RGS7BP: variants seen among roughly 807,000 people sequenced by gnomAD.
RGS7BP encodes the protein regulator of G protein signaling 7 binding protein.
In RGS7BP, 9 loss-of-function variants were observed where a neutral mutation model predicts 31.3. The observed-to-expected ratio is 0.29, with a 90% CI of 0.17 to 0.50. The LOEUF (loss-of-function observed/expected upper bound fraction) is 0.50, where lower values mean the gene tolerates loss of function less well. Ranked by LOEUF, RGS7BP falls within the 20% of genes least tolerant of loss-of-function variation. RGS7BP has a pLI of 0.98. For missense variants in RGS7BP, 274 were observed against 322.0 expected (o/e 0.85, Z 1.14); for synonymous variants, 115 against 120.1 (o/e 0.96, Z 0.28).
chr5:64,594,694 A>C lies in RGS7BP; in HGVS notation c.464-16A>C, dbSNP rs1242803480. On this transcript the variant is annotated splice_polypyrimidine_tract_variant and intron_variant, in intron 3 of 5. Coordinates refer to ENST00000334025, the MANE Select transcript of RGS7BP (RefSeq NM_001029875.3). The stretch of plus-strand genomic sequence containing the variant: ...TCTTTTTCCTCTTCTCTTTACCAAC[A>C]CCCTCCCTCCCTTAGGAAAGGAACC... 6.2e-6 allele frequency: 10 copies of C among 1,612,768 alleles called. No individual in the cohort carries two copies. Among genetic ancestry groups the C allele is most frequent in the Non-Finnish European group, 8.5e-6 (10 of 1,179,386 alleles).
intron 2 of RGS7BP, among the ~76,000 whole-genome samples, chr5:64,530,485 G>A (rs907374520): frequency 6.6e-6 from 1 of 152,118 alleles, no homozygotes; most frequent in African/African-American, 2.4e-5. Flanking sequence ...TGTAATAGAC[G>A]AGGAAATGAA....
chr5:64,540,966 G>A (rs1250619947), intron 2 of RGS7BP, among the ~76,000 whole-genome samples: 1 of 152,198 alleles, frequency 6.6e-6, no homozygotes, highest in Non-Finnish European at 1.5e-5. Context: ...AGTGATTCTG[G>A]AGAGCTCGGT....
intron 4 of RGS7BP, among the ~76,000 whole-genome samples, chr5:64,596,494 A>G (rs904432556): frequency 6.6e-6 from 1 of 152,154 alleles, no homozygotes; most frequent in Non-Finnish European, 1.5e-5. Context: ...TTGGTGCTTT[A>G]TTAGAGGAGA....
intron 2 of RGS7BP, among the ~76,000 whole-genome samples, chr5:64,561,692 A>G (rs1480857597): frequency 2.0e-5 from 3 of 152,154 alleles, no homozygotes; most frequent in Admixed American, 6.5e-5. Flanking sequence ...GCATGTTCCT[A>G]ATCTCAAGTT....
chr5:64,590,142 A>C (rs1285858538), intron 3 of RGS7BP, among the ~76,000 whole-genome samples: 1 of 152,224 alleles, frequency 6.6e-6, no homozygotes, highest in Admixed American at 6.5e-5. Flanking sequence ...ATAAAAGAGA[A>C]GAGAACAGTG....
At chr5:64,575,543 C>T (rs1041105334) in intron 2 of RGS7BP, 3 of 515,348 alleles carry the variant, frequency 5.8e-6, no homozygotes, top group Non-Finnish European at 8.5e-6. Context: ...TTTAAGCTCC[C>T]GGCAGAACTC....
intron 5 of RGS7BP, among the ~76,000 whole-genome samples, chr5:64,603,763 T>C (rs1002065946): frequency 6.6e-5 from 10 of 152,128 alleles, no homozygotes; most frequent in Non-Finnish European, 1.0e-4. Flanking sequence ...TGGCAGATGA[T>C]GAGCTGGGGC....
At chr5:64,607,959 G>A (rs1743406986) in intron 5 of RGS7BP, among the ~76,000 whole-genome samples, 1 of 152,000 alleles carries the variant, frequency 6.6e-6, no homozygotes, top group Admixed American at 6.6e-5. Flanking sequence ...GTTCGATTGA[G>A]GTGGGGCACA....
chr5:64,555,371 G>C (rs755019220), intron 2 of RGS7BP, among the ~76,000 whole-genome samples: 6 of 152,134 alleles, frequency 3.9e-5, no homozygotes, highest in Non-Finnish European at 7.4e-5. Flanking sequence ...TTTACTCAAT[G>C]TGTATTTGTT....
At chr5:64,540,045 T>C (rs1741486739) in intron 2 of RGS7BP, among the ~76,000 whole-genome samples, 1 of 152,086 alleles carries the variant, frequency 6.6e-6, no homozygotes, top group South Asian at 2.1e-4. Flanking sequence ...TTTTAAAAAT[T>C]AAAGAGAGTA....
intron 2 of RGS7BP, among the ~76,000 whole-genome samples, chr5:64,550,330 C>T (rs1395299141): frequency 6.6e-6 from 1 of 152,152 alleles, no homozygotes; most frequent in East Asian, 1.9e-4. Flanking sequence ...TGCAGATGGC[C>T]ACTATCTCAC....
chr5:64,588,863 C>T (rs549751328), intron 3 of RGS7BP, among the ~76,000 whole-genome samples: 9 of 151,574 alleles, frequency 5.9e-5, no homozygotes, highest in East Asian at 1.9e-4. Context: ...AATAGCAATT[C>T]GGAAAGAACA....
intron 3 of RGS7BP, among the ~76,000 whole-genome samples, chr5:64,591,959 T>C (rs1213163154): frequency 6.6e-6 from 1 of 152,250 alleles, no homozygotes; most frequent in Non-Finnish European, 1.5e-5. Flanking sequence ...AGATGAGAGA[T>C]GAGTGTGGGG....
intron 3 of RGS7BP, among the ~76,000 whole-genome samples, chr5:64,576,468 G>A (rs551803341): frequency 6.6e-6 from 1 of 152,284 alleles, no homozygotes; most frequent in Admixed American, 6.5e-5. Flanking sequence ...ATGATGCTCT[G>A]CCTTCTGGGT....
chr5:64,603,045 TAAGAGAGAGAC>T (rs890459340), intron 5 of RGS7BP, among the ~76,000 whole-genome samples: 7 of 152,052 alleles, frequency 4.6e-5, no homozygotes, highest in African/African-American at 1.2e-4. Context: ...ACAAAAGGCT[TAAGAGAGAGAC>T]AAGAGAGAGA....
At chr5:64,546,636 G>C (rs895741887) in intron 2 of RGS7BP, among the ~76,000 whole-genome samples, 2 of 152,104 alleles carry the variant, frequency 1.3e-5, no homozygotes, top group Non-Finnish European at 2.9e-5. Flanking sequence ...TCTCTAAAGG[G>C]AAGGAAAGAT....
intron 2 of RGS7BP, among the ~76,000 whole-genome samples, chr5:64,516,756 T>C (rs1267185102): frequency 6.6e-6 from 1 of 152,194 alleles, no homozygotes; most frequent in Non-Finnish European, 1.5e-5. Context: ...ATGCAACATA[T>C]GAGGCCTACC....
At chr5:64,607,707 T>C (rs915190318) in intron 5 of RGS7BP, among the ~76,000 whole-genome samples, 3 of 151,862 alleles carry the variant, frequency 2.0e-5, no homozygotes, top group African/African-American at 7.3e-5. Context: ...AGTCTTAAGG[T>C]CTCTGTGTTG....
intron 2 of RGS7BP, among the ~76,000 whole-genome samples, chr5:64,549,788 A>G (rs2111832302): frequency 6.6e-6 from 1 of 152,306 alleles, no homozygotes; most frequent in African/African-American, 2.4e-5. Flanking sequence ...GGGTAGGCTG[A>G]GAATTTTCCA....
Sources: gnomAD v4.1 joint callset for allele counts (sites outside exome capture counted in the v4.1 genomes callset) on GRCh38, gnomAD v4.1.1 for gene constraint, MANE v1.5 for transcripts, NCBI Gene and HGNC (gene_info 2026-07-23, HGNC 2026-07-21) for gene names.